The following RCAN1 variants were observed in gnomAD, a reference collection of about 807,000 sequenced individuals.
The protein encoded by RCAN1 is calcipressin-1.
Under a neutral mutation model 22.9 loss-of-function variants are expected in RCAN1, and 11 were observed. The observed-to-expected ratio is 0.48, with a 90% CI of 0.30 to 0.79. The LOEUF is 0.79. Ranked by LOEUF, RCAN1 falls within the 30% of genes least tolerant of loss-of-function variation. The probability of loss-of-function intolerance (pLI) is 0.06; values close to 1 mark genes in which losing one functional copy is unlikely to be tolerated. For missense variants in RCAN1, 291 were observed against 337.8 expected, an observed-to-expected ratio of 0.86 and a Z score of 1.09; for synonymous variants, 136 against 142.3, an observed-to-expected ratio of 0.96 and a Z score of 0.32.
chr21:34,569,091 C>T (rs1987142656), intron 1 of RCAN1, among the ~76,000 whole-genome samples: 1 of 152,216 alleles, frequency 6.6e-6, no homozygotes, highest in Non-Finnish European at 1.5e-5. Flanking sequence ...AGGTCCCTCC[C>T]ACAACATGTG....
At chr21:34,529,963 C>T (rs1331402175) in intron 1 of RCAN1, among the ~76,000 whole-genome samples, 4 of 152,144 alleles carry the variant, frequency 2.6e-5, no homozygotes, top group Non-Finnish European at 4.4e-5. Flanking sequence ...CCCTTGCTGC[C>T]GCCATGTAAG....
At chr21:34,534,874 G>A (rs1419991636) in intron 1 of RCAN1, among the ~76,000 whole-genome samples, 1 of 152,150 alleles carries the variant, frequency 6.6e-6, no homozygotes, top group Non-Finnish European at 1.5e-5. Context: ...GCACTGGCCC[G>A]CACCATCACA....
At chr21:34,540,134 A>AG (rs1568895632) in intron 1 of RCAN1, among the ~76,000 whole-genome samples, 1 of 152,228 alleles carries the variant, frequency 6.6e-6, no homozygotes, top group Non-Finnish European at 1.5e-5. Flanking sequence ...CAAGACTGGA[A>AG]GGTTACATAA....
At chr21:34,529,712 T>A (rs1476310932) in intron 1 of RCAN1, among the ~76,000 whole-genome samples, 1 of 152,198 alleles carries the variant, frequency 6.6e-6, no homozygotes, top group Non-Finnish European at 1.5e-5. Flanking sequence ...ATGTCAGTGA[T>A]CTGAAGAAAG....
At chr21:34,558,431 G>C (rs986356355) in intron 1 of RCAN1, among the ~76,000 whole-genome samples, 10 of 152,190 alleles carry the variant, frequency 6.6e-5, no homozygotes, top group Admixed American at 4.6e-4. Context: ...GATGACTGAT[G>C]AGCTGGAATG....
intron 1 of RCAN1, among the ~76,000 whole-genome samples, chr21:34,585,502 C>T (rs572595702): frequency 2.0e-5 from 3 of 151,952 alleles, no homozygotes; most frequent in South Asian, 2.1e-4. Flanking sequence ...CCAGCACTTT[C>T]GGAGGCCGAG....
intron 1 of RCAN1, among the ~76,000 whole-genome samples, chr21:34,591,555 G>A (rs984016864): frequency 6.6e-6 from 1 of 152,204 alleles, no homozygotes; most frequent in Non-Finnish European, 1.5e-5. Flanking sequence ...TGTGGGACAT[G>A]AGAAACCCTG....
At chr21:34,583,939 A>T (rs1295628657) in intron 1 of RCAN1, among the ~76,000 whole-genome samples, 2 of 152,160 alleles carry the variant, frequency 1.3e-5, no homozygotes, top group African/African-American at 2.4e-5. Context: ...ACACACACAT[A>T]CACACATATT....
At chr21:34,606,098 G>C (rs140897402) in intron 1 of RCAN1, among the ~76,000 whole-genome samples, 7 of 152,190 alleles carry the variant, frequency 4.6e-5, no homozygotes, top group Non-Finnish European at 8.8e-5. Context: ...CAGAGTTCTT[G>C]TAAAGATAAA....
intron 1 of RCAN1, among the ~76,000 whole-genome samples, chr21:34,547,322 AC>A (rs925774369): frequency 2.0e-5 from 3 of 151,796 alleles, no homozygotes; most frequent in African/African-American, 7.3e-5. Context: ...GCTTCCCCTC[AC>A]CTTTCTCCCC....
chr21:34,583,136 C>T (rs1387733720), intron 1 of RCAN1, among the ~76,000 whole-genome samples: 1 of 151,642 alleles, frequency 6.6e-6, no homozygotes, highest in Non-Finnish European at 1.5e-5. Context: ...AAGCCCTAAC[C>T]ATCAGTACCG....
intron 1 of RCAN1, among the ~76,000 whole-genome samples, chr21:34,559,023 TA>T (rs1486977513): frequency 3.3e-5 from 5 of 152,238 alleles, no homozygotes; most frequent in Non-Finnish European, 7.3e-5. Context: ...ACATTCCACC[TA>T]AATGCTAAAA....
intron 1 of RCAN1, among the ~76,000 whole-genome samples, chr21:34,574,064 AT>A (rs1987324942): frequency 6.6e-6 from 1 of 152,224 alleles, no homozygotes; most frequent in Non-Finnish European, 1.5e-5. Context: ...GAATTTTCCA[AT>A]GGAAGGGACT....
At chr21:34,553,344 A>C (rs751010336) in intron 1 of RCAN1, among the ~76,000 whole-genome samples, 6 of 152,162 alleles carry the variant, frequency 3.9e-5, no homozygotes, top group Admixed American at 2.6e-4. Flanking sequence ...TTTATTTCAA[A>C]AATTATAATA....
chr21:34,597,286 A>G (rs992154822), intron 1 of RCAN1, among the ~76,000 whole-genome samples: 10 of 152,234 alleles, frequency 6.6e-5, no homozygotes. Flanking sequence ...AAAATTAATT[A>G]AAATGAAAAA....
chr21:34,590,320 C>T (rs1239933868), intron 1 of RCAN1, among the ~76,000 whole-genome samples: 8 of 152,236 alleles, frequency 5.3e-5, no homozygotes, highest in African/African-American at 1.9e-4. Flanking sequence ...AAAATGTGCA[C>T]TCCACGAGAG....
chr21:34,586,653 G>T (rs2123705352), intron 1 of RCAN1, among the ~76,000 whole-genome samples: 1 of 152,206 alleles, frequency 6.6e-6, no homozygotes, highest in Non-Finnish European at 1.5e-5. Flanking sequence ...AGAGATTAAA[G>T]AAAGTAGAAG....
chr21:34,562,000 G>A (rs976805077), intron 1 of RCAN1, among the ~76,000 whole-genome samples: 3 of 152,270 alleles, frequency 2.0e-5, no homozygotes, highest in African/African-American at 7.2e-5. Context: ...CAGTGCACTG[G>A]TGCCACACTC....
intron 1 of RCAN1, among the ~76,000 whole-genome samples, chr21:34,543,919 C>T (rs1322081868): frequency 1.3e-5 from 2 of 152,184 alleles, no homozygotes; most frequent in South Asian, 2.1e-4. Flanking sequence ...GCTAGCCATT[C>T]GGAGTGGTCA....
Sources: gnomAD v4.1 joint callset for allele counts (sites outside exome capture counted in the v4.1 genomes callset) on GRCh38, gnomAD v4.1.1 for gene constraint, MANE v1.5 for transcripts, NCBI Gene and HGNC (gene_info 2026-07-23, HGNC 2026-07-21) for gene names.